Variants in OPCML observed in about 807,000 individuals in gnomAD.
OPCML encodes opioid-binding protein/cell adhesion molecule.
OPCML carries 13 observed loss-of-function variants against 37.8 expected under a neutral mutation model. The ratio of observed to expected loss-of-function variants is 0.34; its 90% CI spans 0.22 to 0.55. The LOEUF is 0.55. Ranked by LOEUF, OPCML falls within the 20% of genes least tolerant of loss-of-function variation. The pLI is 0.91. For synonymous variants in OPCML, 176 were observed against 168.8 expected (o/e 1.04, Z -0.33); for missense variants, 341 against 435.6 (o/e 0.78, Z 1.93).
At chr11:132,502,487 C>T (rs1373903543) in intron 4 of OPCML, among the ~76,000 whole-genome samples, 1 of 152,166 alleles carries the variant, frequency 6.6e-6, no homozygotes. Context: ...TTCTCTTAAG[C>T]TCCTGCTCTC....
At chr11:133,046,097 C>T (rs567644869) in intron 1 of OPCML, among the ~76,000 whole-genome samples, 3 of 152,234 alleles carry the variant, frequency 2.0e-5, no homozygotes, top group Admixed American at 6.5e-5. Context: ...GACACCAGCC[C>T]GAGATTCGAC....
At chr11:133,526,023 A>T (rs1274835993) in intron 1 of OPCML, among the ~76,000 whole-genome samples, 1 of 152,174 alleles carries the variant, frequency 6.6e-6, no homozygotes, top group East Asian at 1.9e-4. Context: ...TAAACTTTTA[A>T]TTAAGTTAGG....
chr11:133,483,350 G>GAT (rs1247259674), intron 1 of OPCML, among the ~76,000 whole-genome samples: 1 of 149,610 alleles, frequency 6.7e-6, no homozygotes, highest in African/African-American at 2.5e-5. Context: ...AATAGATATA[G>GAT]ATAGATAGAT....
At chr11:133,064,133 C>T (rs1019109919) in intron 1 of OPCML, among the ~76,000 whole-genome samples, 1 of 152,174 alleles carries the variant, frequency 6.6e-6, no homozygotes, top group Non-Finnish European at 1.5e-5. Context: ...GGAGGTGGCG[C>T]TGATCCAGAG....
chr11:132,537,657 A>ATTTT (rs2096344526), intron 3 of OPCML, among the ~76,000 whole-genome samples: 1 of 152,218 alleles, frequency 6.6e-6, no homozygotes, highest in Non-Finnish European at 1.5e-5. Flanking sequence ...ACAAAATAAG[A>ATTTT]CAAAGTATTT....
At chr11:133,326,693 G>T (rs1943469506) in intron 1 of OPCML, among the ~76,000 whole-genome samples, 1 of 133,186 alleles carries the variant, frequency 7.5e-6, no homozygotes, top group Non-Finnish European at 1.6e-5. Context: ...GTGAGTATGG[G>T]TGTGTATATT....
At chr11:132,680,833 G>A (rs958148678) in intron 2 of OPCML, among the ~76,000 whole-genome samples, 6 of 152,074 alleles carry the variant, frequency 3.9e-5, no homozygotes, top group East Asian at 1.9e-4. Context: ...CTGACAAGCC[G>A]CTCCTGCATG....
At chr11:133,074,188 G>A (rs1182592769) in intron 1 of OPCML, among the ~76,000 whole-genome samples, 1 of 152,140 alleles carries the variant, frequency 6.6e-6, no homozygotes, top group African/African-American at 2.4e-5. Context: ...TCTTTCTAGA[G>A]CTCATTTCAA....
chr11:133,417,312 T>G (rs1360943664), intron 1 of OPCML, among the ~76,000 whole-genome samples: 1 of 152,092 alleles, frequency 6.6e-6, no homozygotes, highest in East Asian at 1.9e-4. Flanking sequence ...AAAAGGGACA[T>G]GATGCTTTAC....
At chr11:132,908,245 G>A (rs1016877768) in intron 2 of OPCML, among the ~76,000 whole-genome samples, 1 of 149,976 alleles carries the variant, frequency 6.7e-6, no homozygotes, top group Non-Finnish European at 1.5e-5. Flanking sequence ...AAAAGTGAAA[G>A]ACATTAGTCC....
At chr11:132,923,850 G>A (rs770702592) in intron 2 of OPCML, among the ~76,000 whole-genome samples, 9 of 125,038 alleles carry the variant, frequency 7.2e-5, no homozygotes, top group East Asian at 5.4e-4. Flanking sequence ...CGCAACCCCC[G>A]CCTCCCAGGT....
At chr11:133,276,748 GC>G (rs990431238) in intron 1 of OPCML, among the ~76,000 whole-genome samples, 4 of 152,024 alleles carry the variant, frequency 2.6e-5, no homozygotes, top group Non-Finnish European at 4.4e-5. Flanking sequence ...CTCCCATGAT[GC>G]CAATTCTATT....
chr11:133,215,190 A>C (rs1565509085), intron 1 of OPCML, among the ~76,000 whole-genome samples: 1 of 150,680 alleles, frequency 6.6e-6, no homozygotes, highest in African/African-American at 2.5e-5. Context: ...GTCACATTTT[A>C]AGAGAGAGAG....
intron 7 of OPCML, among the ~76,000 whole-genome samples, chr11:132,427,337 A>T (rs1289576462): frequency 6.6e-6 from 1 of 152,220 alleles, no homozygotes; most frequent in Non-Finnish European, 1.5e-5. Context: ...TGGTGATTAA[A>T]AGAGGAGCAA....
rs572986201 is a variant in OPCML, at chr11:132,909,336, G to A, written c.146+33590C>T. ...GTCAAAATACTTGGATGTGTTCTTT[G>A]GGTCCAAAAATAGAAGTGGTGTTCA... On this transcript the variant is annotated intron_variant, in intron 2 of 7. Transcript: ENST00000524381. Among the ~76,000 whole-genome samples the A allele has an allele frequency of 4.6e-5, 7 of 152,320 alleles. No homozygotes were observed. The South Asian group carries it at 1.0e-3, about 23-fold the overall frequency.
chr11:133,462,226 A>C (rs1000324855), intron 1 of OPCML, among the ~76,000 whole-genome samples: 1 of 152,086 alleles, frequency 6.6e-6, no homozygotes, highest in Non-Finnish European at 1.5e-5. Flanking sequence ...TAAAAGCTAA[A>C]ACTATAAAAA....
intron 2 of OPCML, among the ~76,000 whole-genome samples, chr11:132,866,548 C>T (rs903375828): frequency 3.9e-5 from 6 of 152,134 alleles, no homozygotes; most frequent in African/African-American, 1.4e-4. Context: ...TCATCATAAT[C>T]GACAAGGAAC....
chr11:133,007,782 T>C (rs1367186015), intron 1 of OPCML: 2 of 985,312 alleles, frequency 2.0e-6, no homozygotes, highest in Non-Finnish European at 2.4e-6. Flanking sequence ...TTTTGAATAG[T>C]TAGCACATGT....
At chr11:132,815,063 C>A (rs991824195) in intron 2 of OPCML, among the ~76,000 whole-genome samples, 2 of 152,122 alleles carry the variant, frequency 1.3e-5, no homozygotes, top group Non-Finnish European at 2.9e-5. Context: ...ATTTTCGTGA[C>A]CCCCATAAAA....
Sources: allele counts gnomAD v4.1 joint callset (sites outside exome capture counted in the v4.1 genomes callset), GRCh38; gene constraint gnomAD v4.1.1; transcripts MANE v1.5; gene names NCBI Gene and HGNC (gene_info 2026-07-23, HGNC 2026-07-21).